The following EPHA7 variants were observed in gnomAD, a reference collection of about 807,000 sequenced individuals.
The protein encoded by EPHA7 is EPH receptor A7.
A neutral mutation model predicts 112.6 loss-of-function variants in EPHA7; 25 were observed. The observed-to-expected ratio is 0.22, with a 90% CI of 0.16 to 0.31. The LOEUF is 0.31. Ranked by LOEUF, EPHA7 falls within the 10% of genes least tolerant of loss-of-function variation. The pLI is 1.00. For synonymous variants in EPHA7, 437 were observed against 406.5 expected (o/e 1.07, Z -0.90); for missense variants, 962 against 1,212.6 (o/e 0.79, Z 3.07).
At position 93,270,035 on chromosome 6, in the gene EPHA7, G is replaced by GT. The variant is rs560859240; in HGVS notation, c.1450-376dup. ...TCAAATCATAATGTAGTTCTCTTAA[G>GT]TTTTTTCTGAAAGTTATTCAGCAAG... On this transcript the variant is annotated intron_variant, in intron 6 of 16. Transcript: ENST00000369303. Among the ~76,000 whole-genome samples the GT allele has an allele frequency of 5.9e-5, 9 of 151,644 alleles. No individual in the cohort carries two copies. The South Asian group carries it at 1.5e-3, about 24-fold the overall frequency.
At chr6:93,290,072 T>C (rs1272812711) in intron 5 of EPHA7, among the ~76,000 whole-genome samples, 1 of 152,104 alleles carries the variant, frequency 6.6e-6, no homozygotes, top group Non-Finnish European at 1.5e-5. Flanking sequence ...TAGTTCTTTA[T>C]AGTATCTAAG....
chr6:93,405,783 A>ATG (rs371052750), intron 3 of EPHA7, among the ~76,000 whole-genome samples: 1,955 of 95,118 alleles, frequency 0.021, 55 homozygotes, highest in Admixed American at 0.033. Flanking sequence ...TTCTGTATAT[A>ATG]TGTGTGTGTG....
chr6:93,269,360 T>A (rs1313445002), intron 7 of EPHA7, 117 bp downstream of exon 7: 2 of 712,930 alleles, frequency 2.8e-6, no homozygotes, highest in Admixed American at 3.4e-5. Context: ...TGTACATATA[T>A]ATTTATTTGT....
intron 5 of EPHA7, among the ~76,000 whole-genome samples, chr6:93,329,469 A>G (rs541145003): frequency 9.8e-4 from 148 of 151,514 alleles, no homozygotes; most frequent in African/African-American, 3.4e-3. Flanking sequence ...TGGGCCAAGA[A>G]CTGTTCCAAG....
chr6:93,280,091 TA>T (rs1449055027), intron 5 of EPHA7, among the ~76,000 whole-genome samples: 1 of 152,218 alleles, frequency 6.6e-6, no homozygotes, highest in African/African-American at 2.4e-5. Flanking sequence ...TCTCAGTTAC[TA>T]CCTTCCAGGA....
At chr6:93,255,152 T>C (rs1291279515) in intron 13 of EPHA7, among the ~76,000 whole-genome samples, 3 of 151,318 alleles carry the variant, frequency 2.0e-5, no homozygotes, top group Non-Finnish European at 4.4e-5. Context: ...AAGATCAGCC[T>C]GGCAAACATG....
intron 3 of EPHA7, among the ~76,000 whole-genome samples, chr6:93,401,858 A>C (rs1467950158): frequency 6.6e-6 from 1 of 152,046 alleles, no homozygotes; most frequent in Non-Finnish European, 1.5e-5. Context: ...AAATTCTCCC[A>C]TGAAAATATT....
Position 93,309,834 on chromosome 6 carries a change from T to C in EPHA7, c.1325-37412A>G, listed in dbSNP as rs16871133. Among the ~76,000 whole-genome samples the C allele has an allele frequency of 2.9e-3, 444 of 152,310 alleles. 13 individuals are homozygous for C. The East Asian group carries it at 0.077, about 27-fold the overall frequency. ...GGCCATGAGTAGTTGCACAATTAAA[T>C]GAACAATATCGTTAAGTATTCTGTT... On this transcript the variant is annotated intron_variant, in intron 5 of 16. Transcript: ENST00000369303.
chr6:93,339,453 C>T (rs766098007), intron 5 of EPHA7, among the ~76,000 whole-genome samples: 1 of 151,704 alleles, frequency 6.6e-6, no homozygotes, highest in Non-Finnish European at 1.5e-5. Context: ...ACATCAACAC[C>T]ACTAACTCAT....
chr6:93,260,536 A>T (rs1404326867), intron 9 of EPHA7: 14 of 959,896 alleles, frequency 1.5e-5, no homozygotes, highest in Non-Finnish European at 1.7e-5. Context: ...ATCAAATCTT[A>T]CTATTTGGAG....
chr6:93,364,446 C>T (rs1167891637), intron 3 of EPHA7, among the ~76,000 whole-genome samples: 1 of 151,316 alleles, frequency 6.6e-6, no homozygotes, highest in Non-Finnish European at 1.5e-5. Context: ...ATCACTTGAA[C>T]CCGGGAGGTG....
At chr6:93,280,815 C>CA (rs563771139) in intron 5 of EPHA7, among the ~76,000 whole-genome samples, 51 of 149,448 alleles carry the variant, frequency 3.4e-4, no homozygotes, top group African/African-American at 8.3e-4. Context: ...GTAAGAATTC[C>CA]AAAAAAAAAG....
chr6:93,314,891 C>A (rs1450660214), intron 5 of EPHA7, among the ~76,000 whole-genome samples: 2 of 110,772 alleles, frequency 1.8e-5, no homozygotes, highest in East Asian at 2.8e-4. Context: ...GAGACGGAGT[C>A]TCGCTCTGTC....
chr6:93,410,533 G>C lies in EPHA7; in HGVS notation c.800C>G (p.Ala267Gly). 1.2e-6 allele frequency: 2 copies of C among 1,613,734 alleles called. No homozygotes were observed. The highest frequency in any genetic ancestry group is 1.7e-6 in the Non-Finnish European group (2 of 1,179,780). ...AGTGTCTCCTTTTTGCTGGTAGCCT[G>C]CTTTGCAGATACATTTTCCAATGGG... The part of the protein sequence containing the change: ...LVPIGKCICK[A>G]GYQQKGDTCE... The change falls in exon 3 of 17, where the codon GCA becomes GGA. Residue 267 changes from alanine to glycine, a missense_variant. By Grantham distance (60) the Ala-to-Gly change is moderately conservative. Transcript: ENST00000369303. The surrounding 1 kb of genome is among the most constrained non-coding windows in gnomAD (Gnocchi z 4.0).
At chr6:93,411,242 T>C (rs754957746) in intron 2 of EPHA7, 72 bp from the exon 3 acceptor site, 1 of 1,263,900 alleles carries the variant, frequency 7.9e-7, no homozygotes, top group Non-Finnish European at 1.1e-6. Flanking sequence ...GTGCAAGTAC[T>C]TCACAAATAC....
intron 5 of EPHA7, among the ~76,000 whole-genome samples, chr6:93,310,629 A>C (rs1773483751): frequency 6.6e-6 from 1 of 151,802 alleles, no homozygotes; most frequent in Admixed American, 6.6e-5. Flanking sequence ...ACACCACTGC[A>C]TTCCAGCCTA....
In EPHA7 at chr6:93,316,565, T is replaced by C. The variant is rs114393181; in HGVS notation, c.1324+40152A>G. 5.0e-3 allele frequency among the ~76,000 whole-genome samples: 754 copies of C among 152,214 alleles called. 12 individuals carry two copies. The highest frequency in any genetic ancestry group is 0.017 in the African/African-American group (727 of 41,558). On this transcript the variant is annotated intron_variant, in intron 5 of 16. Transcript: ENST00000369303. ...AAACATCTATACTTTTAAAGCAATA[T>C]ATACTCTTCTGAGTATCTACCTATC... is the stretch of plus-strand genomic sequence containing the variant.
At chr6:93,405,777 G>GTA (rs1259495832) in intron 3 of EPHA7, among the ~76,000 whole-genome samples, 46 of 101,936 alleles carry the variant, frequency 4.5e-4, no homozygotes, top group Non-Finnish European at 7.5e-4. Context: ...TTATATTTCT[G>GTA]TATATATGTG....
At chr6:93,256,554 T>C (rs1338566806) in intron 12 of EPHA7, among the ~76,000 whole-genome samples, 4 of 152,134 alleles carry the variant, frequency 2.6e-5, no homozygotes, top group African/African-American at 9.7e-5. Context: ...TTTCATTTTT[T>C]CTTAGTTTTG....
Sources: allele counts gnomAD v4.1 joint callset (sites outside exome capture counted in the v4.1 genomes callset), GRCh38; gene constraint gnomAD v4.1.1; non-coding constraint Gnocchi (gnomAD v3.1); transcripts MANE v1.5; gene names NCBI Gene and HGNC (gene_info 2026-07-23, HGNC 2026-07-21).